Variants in CBR4 observed in about 807,000 individuals in gnomAD.
CBR4 encodes carbonyl reductase 4.
In CBR4, 22 loss-of-function variants were observed where a neutral mutation model predicts 21.0. The ratio of observed to expected loss-of-function variants is 1.05; its 90% confidence interval spans 0.75 to 1.50. CBR4 has a LOEUF of 1.50. Among genes scored for constraint, CBR4 ranks in the 40% most tolerant of loss-of-function variants. CBR4 has a pLI of 0.00. For synonymous variants in CBR4, 100 were observed against 104.4 expected, an observed-to-expected ratio of 0.96 and a Z score of 0.26; for missense variants, 302 against 286.3, an observed-to-expected ratio of 1.05 and a Z score of -0.40.
intron 2 of CBR4, among the ~76,000 whole-genome samples, chr4:168,937,690 C>A (rs1330325854): frequency 1.3e-5 from 2 of 148,494 alleles, no homozygotes; most frequent in Non-Finnish European, 3.0e-5. Flanking sequence ...AGACTTTAAA[C>A]CAACAAAGAT....
intron 4 of CBR4, among the ~76,000 whole-genome samples, chr4:168,995,821 A>C (rs1765172073): frequency 6.6e-6 from 1 of 152,192 alleles, no homozygotes; most frequent in African/African-American, 2.4e-5. Context: ...CAACCAAGTA[A>C]GCTAGATATG....
chr4:168,915,203 T>C (rs1055711380), intron 2 of CBR4, among the ~76,000 whole-genome samples: 2 of 152,216 alleles, frequency 1.3e-5, no homozygotes, highest in African/African-American at 2.4e-5. Flanking sequence ...CCTAGTTAAG[T>C]GTTTTTAAAC....
At chr4:168,967,197 T>C (rs1222091325) in intron 2 of CBR4, among the ~76,000 whole-genome samples, 2 of 152,200 alleles carry the variant, frequency 1.3e-5, no homozygotes, top group Non-Finnish European at 2.9e-5. Flanking sequence ...TGAGTTCATG[T>C]CCTTTGCAGG....
intron 2 of CBR4, among the ~76,000 whole-genome samples, chr4:168,956,642 T>C (rs1263541436): frequency 1.7e-5 from 2 of 116,298 alleles, no homozygotes; most frequent in Non-Finnish European, 3.7e-5. Context: ...ATGGAAATAA[T>C]ATTTACTAAG....
intron 2 of CBR4, among the ~76,000 whole-genome samples, chr4:168,958,422 A>C (rs1763750095): frequency 6.6e-6 from 1 of 152,204 alleles, no homozygotes; most frequent in Non-Finnish European, 1.5e-5. Flanking sequence ...CCTAAGTAAT[A>C]TTTTATTGTA....
At chr4:168,970,632 C>T (rs1266701571) in intron 2 of CBR4, among the ~76,000 whole-genome samples, 1 of 151,894 alleles carries the variant, frequency 6.6e-6, no homozygotes, top group African/African-American at 2.4e-5. Context: ...TTGTCCCTCA[C>T]CCCCCTCCCA....
intron 2 of CBR4, among the ~76,000 whole-genome samples, chr4:168,897,499 T>C (rs772781147): frequency 7.2e-5 from 11 of 152,208 alleles, no homozygotes; most frequent in Non-Finnish European, 1.5e-4. Flanking sequence ...CAGGCTTGAG[T>C]GCAGTGGCAC....
At chr4:168,962,996 A>G (rs1311261877) in intron 2 of CBR4, among the ~76,000 whole-genome samples, 4 of 152,220 alleles carry the variant, frequency 2.6e-5, no homozygotes, top group Non-Finnish European at 5.9e-5. Flanking sequence ...TACTTTAACA[A>G]GTATACTCCT....
At chr4:169,009,606 C>G (rs2126885320) in intron 1 of CBR4, among the ~76,000 whole-genome samples, 1 of 152,366 alleles carries the variant, frequency 6.6e-6, no homozygotes, top group South Asian at 2.1e-4. Flanking sequence ...TAAACTGTTA[C>G]GTGGCTCTCT....
intron 2 of CBR4, among the ~76,000 whole-genome samples, chr4:168,915,009 G>C (rs1409631496): frequency 1.3e-5 from 2 of 152,124 alleles, no homozygotes; most frequent in Non-Finnish European, 2.9e-5. Context: ...CCATTGTCTT[G>C]CATTATTCTC....
At chr4:168,967,564 C>T (rs778523157) in intron 2 of CBR4, among the ~76,000 whole-genome samples, 13 of 152,060 alleles carry the variant, frequency 8.5e-5, no homozygotes, top group Non-Finnish European at 1.9e-4. Context: ...CCTTGGAAAA[C>T]AACCAGCAGT....
intron 2 of CBR4, among the ~76,000 whole-genome samples, chr4:168,929,724 G>A (rs1224567769): frequency 6.6e-6 from 1 of 152,084 alleles, no homozygotes; most frequent in Non-Finnish European, 1.5e-5. Context: ...ACCTCCCCAA[G>A]CCTCAGTTTC....
At chr4:168,914,294 C>T (rs527783466) in intron 2 of CBR4, among the ~76,000 whole-genome samples, 1 of 152,284 alleles carries the variant, frequency 6.6e-6, no homozygotes, top group South Asian at 2.1e-4. Flanking sequence ...TAAATCAAGA[C>T]TCAGCACTTT....
chr4:168,931,540 C>A (rs759412616), intron 2 of CBR4, among the ~76,000 whole-genome samples: 10 of 152,034 alleles, frequency 6.6e-5, no homozygotes, highest in Non-Finnish European at 1.3e-4. Context: ...CCCATGGACA[C>A]ACCCCCTGGC....
At chr4:168,980,617 T>C (rs1764519882) in intron 2 of CBR4, among the ~76,000 whole-genome samples, 1 of 152,056 alleles carries the variant, frequency 6.6e-6, no homozygotes, top group Non-Finnish European at 1.5e-5. Flanking sequence ...ATGCCTGTAA[T>C]CCCAGCTACT....
chr4:169,002,161 T>G lies in CBR4; in HGVS notation c.445A>C (p.Ser149Arg). 1 of 1,575,156 alleles carries G rather than the reference T, an allele frequency of 6.3e-7. No homozygotes were observed. Among genetic ancestry groups the G allele is most frequent in the Non-Finnish European group, 8.6e-7 (1 of 1,165,452 alleles). Reference sequence around the variant, plus strand: ...CCAACTAATCCTCCTTTACTGGCACTGTAAACGGACTGGCCAGAGTTGCCT... The same window carrying G: ...CCAACTAATCCTCCTTTACTGGCACGGTAAACGGACTGGCCAGAGTTGCCT... ...LKGNSGQSVY[S>R]ASKGGLVGFS... Residue 149 changes from serine (S) to arginine (R), a missense_variant, in exon 4 of 5, where the codon AGT becomes CGT. By Grantham distance (110) the Ser-to-Arg change is moderately radical. Coordinates refer to ENST00000306193, the MANE Select transcript of CBR4 (RefSeq NM_032783.5).
intron 1 of CBR4, among the ~76,000 whole-genome samples, chr4:169,009,531 G>T (rs1280815102): frequency 6.6e-6 from 1 of 152,192 alleles, no homozygotes; most frequent in African/African-American, 2.4e-5. Context: ...TTTCCTGCCT[G>T]AACTCCTTTC....
chr4:168,937,340 C>G (rs903073461), intron 2 of CBR4, among the ~76,000 whole-genome samples: 1 of 152,052 alleles, frequency 6.6e-6, no homozygotes, highest in African/African-American at 2.4e-5. Flanking sequence ...ACAATTGGTC[C>G]CAGCAACTGC....
At chr4:168,927,676 G>A (rs1038462024) in intron 2 of CBR4, 2 of 226,020 alleles carry the variant, frequency 8.8e-6, no homozygotes, top group Admixed American at 5.7e-5. Flanking sequence ...CCTTAAGAAG[G>A]TGCTGGATTC....
Sources: gnomAD v4.1 joint callset for allele counts (sites outside exome capture counted in the v4.1 genomes callset) on GRCh38, gnomAD v4.1.1 for gene constraint, MANE v1.5 for transcripts, NCBI Gene and HGNC (gene_info 2026-07-23, HGNC 2026-07-21) for gene names.